Variants in SMG6 observed in about 807,000 individuals in gnomAD.
SMG6 encodes the protein telomerase-binding protein EST1A.
A neutral mutation model predicts 142.2 loss-of-function variants in SMG6; 66 were observed. The ratio of observed to expected loss-of-function variants is 0.46; its 90% confidence interval spans 0.38 to 0.57. The LOEUF (loss-of-function observed/expected upper bound fraction) is 0.57, where lower values mean the gene tolerates loss of function less well. Among genes scored for constraint, SMG6 ranks in the 20% least tolerant of loss-of-function variants. The pLI is 0.00. For missense variants in SMG6, 1,793 were observed against 1,832.0 expected, an observed-to-expected ratio of 0.98 and a Z score of 0.39; for synonymous variants, 779 against 702.4, an observed-to-expected ratio of 1.11 and a Z score of -1.72.
chr17:2,167,482 A>G (rs1318048666), intron 13 of SMG6, among the ~76,000 whole-genome samples: 1 of 152,190 alleles, frequency 6.6e-6, no homozygotes, highest in African/African-American at 2.4e-5. Context: ...TAAGGTGAAA[A>G]CTTTTCTGCT....
chr17:2,291,196 T>G (rs1359666187), intron 6 of SMG6, among the ~76,000 whole-genome samples: 1 of 151,996 alleles, frequency 6.6e-6, no homozygotes, highest in Non-Finnish European at 1.5e-5. Flanking sequence ...CCGGGCGTGG[T>G]GGCGGGCGCC....
chr17:2,273,443 G>A (rs8080411), intron 8 of SMG6, among the ~76,000 whole-genome samples: 15 of 152,242 alleles, frequency 9.9e-5, no homozygotes, highest in African/African-American at 3.4e-4. Flanking sequence ...GGTGGATCAC[G>A]AGGTCAGGAG....
chr17:2,206,367 CTTGAG>C, intron 10 of SMG6, among the ~76,000 whole-genome samples: 1 of 152,138 alleles, frequency 6.6e-6, no homozygotes. Flanking sequence ...TGGAGAATCA[CTTGAG>C]TCCAGCCTGG....
chr17:2,127,512 T>C (rs559472304), intron 13 of SMG6: 108 of 667,878 alleles, frequency 1.6e-4, no homozygotes, highest in Admixed American at 5.9e-4. Context: ...CAAGCTTGTA[T>C]GACTCAAGCA....
At chr17:2,242,050 A>G (rs1159096522) in intron 9 of SMG6, among the ~76,000 whole-genome samples, 1 of 152,182 alleles carries the variant, frequency 6.6e-6, no homozygotes, top group African/African-American at 2.4e-5. Flanking sequence ...ACAGCCCCTC[A>G]CAGCAGAGTC....
chr17:2,072,621 G>GA (rs1273594991), intron 15 of SMG6, among the ~76,000 whole-genome samples: 2 of 152,188 alleles, frequency 1.3e-5, no homozygotes, highest in African/African-American at 4.8e-5. Context: ...GCTGCAAGCT[G>GA]AGACACTGAA....
intron 10 of SMG6, among the ~76,000 whole-genome samples, chr17:2,225,622 T>C (rs994007814): frequency 6.6e-6 from 1 of 152,134 alleles, no homozygotes; most frequent in Non-Finnish European, 1.5e-5. Context: ...AAAAAGAATA[T>C]ACATGACAAC....
chr17:2,240,227 T>C (rs571243320), intron 9 of SMG6: 2 of 152,370 alleles, frequency 1.3e-5, no homozygotes, highest in South Asian at 2.1e-4. Context: ...TTCATTTGAA[T>C]GGCAGTTTCA....
chr17:2,124,167 C>T (rs974692844), intron 13 of SMG6, among the ~76,000 whole-genome samples: 1 of 152,188 alleles, frequency 6.6e-6, no homozygotes, highest in African/African-American at 2.4e-5. Flanking sequence ...CTTCTGACAC[C>T]AGGACACCCA....
chr17:2,083,713 G>C (rs543342786), intron 14 of SMG6, among the ~76,000 whole-genome samples: 1 of 152,228 alleles, frequency 6.6e-6, no homozygotes, highest in African/African-American at 2.4e-5. Flanking sequence ...CTAGCCCATG[G>C]GGGAACACTG....
Position 2,236,497 on chromosome 17 carries a change from A to G in SMG6, c.2864T>C (p.Leu955Pro). 5 of 1,612,258 alleles carry G rather than the reference A, an allele frequency of 3.1e-6. No individual in the cohort carries two copies. The highest frequency in any genetic ancestry group is 4.2e-6 in the Non-Finnish European group (5 of 1,179,134). ...AGAAACTAAACATGCCTTACCTTTC[A>G]GCTGGGAGTTGTGTACTGCAAACAT... ...INMFAVHNSQ[L>P]KDCFSEECRS... The change falls in exon 10 of 19, where the codon CTG (leucine) becomes CCG (proline). Residue 955 changes from leucine to proline, a missense_variant. By Grantham distance (98) the Leu-to-Pro change is moderately conservative. Coordinates refer to ENST00000263073, the MANE Select transcript of SMG6 (RefSeq NM_017575.5).
intron 13 of SMG6, among the ~76,000 whole-genome samples, chr17:2,153,449 T>C (rs922309554): frequency 2.4e-4 from 36 of 152,370 alleles, no homozygotes; most frequent in African/African-American, 8.4e-4. Flanking sequence ...GATGGTTACA[T>C]GAAAGTATGT....
In SMG6 at chr17:2,108,735, A is replaced by T. The variant is rs1377464364; in HGVS notation, c.3358-22834T>A. Among the ~76,000 whole-genome samples, 4 of 151,868 alleles carry T rather than the reference A, an allele frequency of 2.6e-5. No homozygotes were observed. In the East Asian group the frequency reaches 7.7e-4, roughly 29 times the overall value. ...GTGGGTGGATCACCTGAGGGTTAGG[A>T]GTTTGAGAACAGCCTGGCCAATACA... On this transcript the variant is annotated intron_variant, in intron 13 of 18. Transcript: ENST00000263073.
At chr17:2,136,034 G>C (rs1171890488) in intron 13 of SMG6, among the ~76,000 whole-genome samples, 2 of 128,656 alleles carry the variant, frequency 1.6e-5, no homozygotes, top group East Asian at 4.2e-4. Context: ...GTGTGTGTGT[G>C]TGTCTGTGTG....
At chr17:2,078,019 A>T (rs1213125686) in intron 15 of SMG6, among the ~76,000 whole-genome samples, 3 of 152,200 alleles carry the variant, frequency 2.0e-5, no homozygotes, top group Non-Finnish European at 4.4e-5. Flanking sequence ...TTACTAGCCA[A>T]GCAAAGGCCT....
At chr17:2,283,883 C>T (rs2074846410) in intron 6 of SMG6, 148 bp from the exon 7 acceptor site, 6 of 630,236 alleles carry the variant, frequency 9.5e-6, no homozygotes, top group Middle Eastern at 3.2e-4. Flanking sequence ...ATGCTATCCA[C>T]AGGAGAAGCC....
intron 14 of SMG6, among the ~76,000 whole-genome samples, chr17:2,082,909 G>A (rs2068463115): frequency 6.6e-6 from 1 of 152,114 alleles, no homozygotes; most frequent in South Asian, 2.1e-4. Flanking sequence ...TACTGGCCAG[G>A]TACCGGGCTA....
chr17:2,205,487 G>A (rs1040594840), intron 10 of SMG6, among the ~76,000 whole-genome samples: 1 of 152,044 alleles, frequency 6.6e-6, no homozygotes, highest in African/African-American at 2.4e-5. Flanking sequence ...CATAAAATGA[G>A]ATAACATTAA....
chr17:2,089,676 G>C (rs970067026), intron 13 of SMG6: 2 of 152,088 alleles, frequency 1.3e-5, no homozygotes, highest in African/African-American at 4.8e-5. Context: ...GAACCAAGCA[G>C]AAAGGAAAAC....
Sources: gnomAD v4.1 joint callset for allele counts (sites outside exome capture counted in the v4.1 genomes callset) on GRCh38, gnomAD v4.1.1 for gene constraint, MANE v1.5 for transcripts, NCBI Gene and HGNC (gene_info 2026-07-23, HGNC 2026-07-21) for gene names.